DIP2B: variants seen among roughly 807,000 people sequenced by gnomAD.
DIP2B encodes disco-interacting protein 2 homolog B.
In DIP2B, 76 loss-of-function variants were observed where a neutral mutation model predicts 198.0. The ratio of observed to expected loss-of-function variants is 0.38; its 90% CI spans 0.32 to 0.46. The LOEUF is 0.46. Among genes scored for constraint, DIP2B ranks in the 20% least tolerant of loss-of-function variants. The pLI, the probability that DIP2B is intolerant of heterozygous loss-of-function variation, is 0.99. For synonymous variants in DIP2B, 701 were observed against 739.1 expected, an observed-to-expected ratio of 0.95 and a Z score of 0.84; for missense variants, 1,559 against 1,978.4, an observed-to-expected ratio of 0.79 and a Z score of 4.02.
intron 1 of DIP2B, among the ~76,000 whole-genome samples, chr12:50,559,203 G>A (rs1277877763): frequency 2.0e-5 from 3 of 152,058 alleles, no homozygotes; most frequent in Non-Finnish European, 2.9e-5. Flanking sequence ...CCTCTCCACT[G>A]AGTACATCAC....
intron 3 of DIP2B, among the ~76,000 whole-genome samples, chr12:50,641,979 A>G (rs1938264256): frequency 6.6e-6 from 1 of 152,224 alleles, no homozygotes; most frequent in South Asian, 2.1e-4. Context: ...TGAAAAACAC[A>G]GTCTATATCA....
In DIP2B at chr12:50,744,671, A is replaced by AGTG; in HGVS notation, c.4564_4566dup (p.Val1522dup). The stretch of plus-strand genomic sequence containing the variant: ...AGGAAGCCCTAGATCTGGTCCCATT[A>AGTG]GTGACCAACGTGGTCCTGGAAGAGC... On this transcript the variant is annotated inframe_insertion, in exon 38 of 38. Coordinates refer to ENST00000301180, the MANE Select transcript of DIP2B (RefSeq NM_173602.3). The AGTG allele has an allele frequency of 1.2e-6, 2 of 1,614,220 alleles. No homozygotes were observed. Among genetic ancestry groups the AGTG allele is most frequent in the Non-Finnish European group, 1.7e-6 (2 of 1,180,042 alleles).
At chr12:50,611,195 C>T (rs7305375) in intron 1 of DIP2B, among the ~76,000 whole-genome samples, 61,622 of 151,938 alleles carry the variant, frequency 0.41, 13,477 homozygotes, top group East Asian at 0.75. Flanking sequence ...TAAACATTGG[C>T]GGATAGGTGT....
chr12:50,562,332 G>T (rs565526160), intron 1 of DIP2B, among the ~76,000 whole-genome samples: 3 of 152,112 alleles, frequency 2.0e-5, no homozygotes, highest in Non-Finnish European at 2.9e-5. Context: ...GGTCTCTTCC[G>T]TATATAGGGT....
chr12:50,700,376 C>T (rs1024842988), intron 19 of DIP2B, among the ~76,000 whole-genome samples: 2 of 152,204 alleles, frequency 1.3e-5, no homozygotes, highest in Non-Finnish European at 2.9e-5. Context: ...CAGGTGGCAG[C>T]CACATCCCTC....
chr12:50,692,900 A>G (rs772507362), intron 13 of DIP2B, 49 bp from the exon 14 acceptor site: 11 of 1,530,282 alleles, frequency 7.2e-6, no homozygotes, highest in Admixed American at 3.7e-5. Flanking sequence ...TAATTTTGCT[A>G]CTTAATACTA....
At chr12:50,697,938 G>T (rs961731152) in intron 17 of DIP2B, among the ~76,000 whole-genome samples, 1 of 151,988 alleles carries the variant, frequency 6.6e-6, no homozygotes, top group African/African-American at 2.4e-5. Flanking sequence ...GTCTTGCTCT[G>T]TTATCCAGGC....
intron 1 of DIP2B, among the ~76,000 whole-genome samples, chr12:50,508,608 T>C (rs1259017724): frequency 6.6e-6 from 1 of 152,238 alleles, no homozygotes; most frequent in East Asian, 1.9e-4. Flanking sequence ...CTAATAAGTG[T>C]CGTTATCCTA....
intron 1 of DIP2B, among the ~76,000 whole-genome samples, chr12:50,514,212 T>C (rs1367902440): frequency 6.6e-6 from 1 of 151,722 alleles, no homozygotes; most frequent in Non-Finnish European, 1.5e-5. Context: ...ATTACAGGCA[T>C]GCACCATTGG....
chr12:50,541,141 G>C (rs1215250609), intron 1 of DIP2B, among the ~76,000 whole-genome samples: 1 of 152,128 alleles, frequency 6.6e-6, no homozygotes, highest in Non-Finnish European at 1.5e-5. Flanking sequence ...AAGAATCAGT[G>C]TAACTTGCAT....
At chr12:50,580,821 T>C (rs1958718771) in intron 1 of DIP2B, among the ~76,000 whole-genome samples, 1 of 149,010 alleles carries the variant, frequency 6.7e-6, no homozygotes, top group Non-Finnish European at 1.5e-5. Context: ...AGCAATACTT[T>C]CACACACTTT....
At chr12:50,658,102 GAA>G (rs1245426363) in intron 3 of DIP2B, among the ~76,000 whole-genome samples, 2 of 148,950 alleles carry the variant, frequency 1.3e-5, no homozygotes, top group Admixed American at 1.3e-4. Flanking sequence ...AAAAAAAAAA[GAA>G]AGAAAAAAAA....
In DIP2B at chr12:50,692,985, A is replaced by G. The variant is rs369096149; in HGVS notation, c.1691A>G (p.Asp564Gly). 6.2e-7 allele frequency: 1 copy of G among 1,610,830 alleles called. No homozygotes were observed. Among genetic ancestry groups the G allele is most frequent in the Non-Finnish European group, 8.5e-7 (1 of 1,179,284 alleles). ...GTAAATGTCTTAGACTTTAAGAAGG[A>G]TGCTGGGCTGTGGCACGGCATGTTT... is the stretch of plus-strand genomic sequence containing the variant. The part of the protein sequence containing the change: ...TIVNVLDFKK[D>G]AGLWHGMFAN... The change falls in exon 14 of 38, where the codon GAT (aspartate) becomes GGT (glycine). Residue 564 changes from aspartate (D) to glycine (G), a missense_variant. Asp to Gly is a moderately conservative substitution (Grantham distance 94). Transcript: ENST00000301180.
In DIP2B at chr12:50,735,078, G is replaced by A. The variant is rs1005691068; in HGVS notation, c.4049G>A (p.Arg1350His). 5.0e-6 allele frequency: 8 copies of A among 1,614,014 alleles called. No individual in the cohort carries two copies. Among genetic ancestry groups the A allele is most frequent in the Non-Finnish European group, 6.8e-6 (8 of 1,180,014 alleles). ...DLKSLRHDRV[R>H]LVERGAPQSL... is the part of the protein sequence containing the mutation. ...TAAATACCGTTCTTCTGCAGGGTTCGTCTCGTGGAACGTGGCGCCCCTCAG... is the reference window on the plus strand; with the variant it reads ...TAAATACCGTTCTTCTGCAGGGTTCATCTCGTGGAACGTGGCGCCCCTCAG... Residue 1350 changes from arginine to histidine, a missense_variant, in exon 34 of 38, where the codon CGT (arginine) becomes CAT (histidine). By Grantham distance (29) the Arg-to-His change is conservative. Coordinates refer to ENST00000301180, the MANE Select transcript of DIP2B (RefSeq NM_173602.3).
At chr12:50,703,400 G>A (rs1232184110) in intron 19 of DIP2B, among the ~76,000 whole-genome samples, 1 of 151,908 alleles carries the variant, frequency 6.6e-6, no homozygotes, top group Non-Finnish European at 1.5e-5. Flanking sequence ...AGTTTTATAG[G>A]CCAGCCAATT....
chr12:50,569,638 C>T (rs557577631), intron 1 of DIP2B, among the ~76,000 whole-genome samples: 10 of 152,128 alleles, frequency 6.6e-5, no homozygotes, highest in Non-Finnish European at 1.2e-4. Flanking sequence ...CTGATGGCCA[C>T]CAGACTGTTT....
chr12:50,563,228 C>A (rs1016257196), intron 1 of DIP2B, among the ~76,000 whole-genome samples: 3 of 152,102 alleles, frequency 2.0e-5, no homozygotes, highest in African/African-American at 7.2e-5. Context: ...TCTCTGTTGC[C>A]CAGGCTGGAG....
intron 16 of DIP2B, among the ~76,000 whole-genome samples, chr12:50,696,492 T>A (rs760668458): frequency 2.0e-5 from 3 of 152,242 alleles, no homozygotes; most frequent in Non-Finnish European, 4.4e-5. Flanking sequence ...CATTCATGTA[T>A]AACCTCTTTC....
At chr12:50,692,316 G>A (rs1939236278) in intron 13 of DIP2B, among the ~76,000 whole-genome samples, 2 of 150,150 alleles carry the variant, frequency 1.3e-5, no homozygotes, top group Non-Finnish European at 3.0e-5. Context: ...TTTTTTTTTA[G>A]GAAGTATCTT....
Sources: gnomAD v4.1 joint callset for allele counts (sites outside exome capture counted in the v4.1 genomes callset) on GRCh38, gnomAD v4.1.1 for gene constraint, MANE v1.5 for transcripts, NCBI Gene and HGNC (gene_info 2026-07-23, HGNC 2026-07-21) for gene names.